NUCB2: variants seen among roughly 807,000 people sequenced by gnomAD.
NUCB2 encodes nucleobindin-2.
In NUCB2, 48 loss-of-function variants were observed where a neutral mutation model predicts 57.9. The ratio of observed to expected loss-of-function variants is 0.83; its 90% CI spans 0.66 to 1.05. The LOEUF (loss-of-function observed/expected upper bound fraction) is 1.05, where lower values mean the gene tolerates loss of function less well. Among genes scored for constraint, NUCB2 ranks in the 50% least tolerant of loss-of-function variants. The pLI, the probability that NUCB2 is intolerant of heterozygous loss-of-function variation, is 0.00. For missense variants in NUCB2, 442 were observed against 476.2 expected, an observed-to-expected ratio of 0.93 and a Z score of 0.67; for synonymous variants, 139 against 152.1, an observed-to-expected ratio of 0.91 and a Z score of 0.64.
rs769444555 is a variant in NUCB2 at position 17,317,685 on chromosome 11, A to T, written c.1002+2210A>T. ...CTCAGTGTATCCTATTAGAAGGCAC[A>T]TGTTGACGATCCCCATAACTGGTAA... On this transcript the variant is annotated intron_variant, in intron 11 of 13. Coordinates refer to ENST00000529010, the MANE Select transcript of NUCB2 (RefSeq NM_005013.4). The T allele has an allele frequency of 5.4e-5, 12 of 221,384 alleles. 1 individual carries two copies. The highest frequency in any genetic ancestry group is 2.0e-5 in the Non-Finnish European group (2 of 101,694). The allele number at this position is 221,384 out of a possible 1,614,324, so 13.7% of individuals were successfully genotyped here. A position where few individuals can be genotyped will look rare whatever the true frequency, so the allele number is the denominator to read the frequency against.
At chr11:17,340,223 G>C (rs1952140428) in intron 2 of NUCB2, among the ~76,000 whole-genome samples, 1 of 152,028 alleles carries the variant, frequency 6.6e-6, no homozygotes, top group Non-Finnish European at 1.5e-5. Context: ...AAATTTGTTT[G>C]AGTTCATTGT....
At chr11:17,336,710 C>T (rs1336502662), downstream of NUCB2, among the ~76,000 whole-genome samples, 9 of 134,620 alleles carry the variant, frequency 6.7e-5, no homozygotes, top group South Asian at 2.4e-4. Context: ...GCCGAGATCG[C>T]GCCACTGCAC....
chr11:17,285,576 C>CA (rs1319420352), intron 2 of NUCB2, among the ~76,000 whole-genome samples: 7,366 of 109,750 alleles, frequency 0.067, 318 homozygotes, highest in Middle Eastern at 0.16. Flanking sequence ...GACACTGTCT[C>CA]AAAAAAAAAA....
chr11:17,296,258 AT>A (rs1945801065), intron 4 of NUCB2, 47 bp downstream of exon 4: 7 of 1,230,102 alleles, frequency 5.7e-6, no homozygotes, highest in Admixed American at 2.3e-5. Context: ...TTAATTTAAA[AT>A]TTTTTTAGAG....
chr11:17,307,597 C>T (rs1483544703), intron 5 of NUCB2, among the ~76,000 whole-genome samples: 7 of 152,076 alleles, frequency 4.6e-5, no homozygotes, highest in Non-Finnish European at 7.4e-5. Flanking sequence ...TGTATTAGTA[C>T]ATAGAGACCA....
chr11:17,279,614 G>A (rs1263960830), intron 1 of NUCB2, among the ~76,000 whole-genome samples: 2 of 152,056 alleles, frequency 1.3e-5, no homozygotes, highest in African/African-American at 4.8e-5. Flanking sequence ...AAAATATCTT[G>A]TTTTACCTCA....
At chr11:17,310,038 G>A (rs528908035) in intron 6 of NUCB2, among the ~76,000 whole-genome samples, 6 of 152,274 alleles carry the variant, frequency 3.9e-5, no homozygotes, top group African/African-American at 1.2e-4. Flanking sequence ...TATGGCATAT[G>A]TACCATATTC....
chr11:17,282,484 C>G (rs896828740), intron 1 of NUCB2, among the ~76,000 whole-genome samples: 1 of 152,012 alleles, frequency 6.6e-6, no homozygotes, highest in Admixed American at 6.6e-5. Flanking sequence ...TGATCTTGAA[C>G]TCCTGACCTC....
At chr11:17,312,230 G>A (rs914994289) in intron 10 of NUCB2, 110 bp downstream of exon 10, 39 of 636,470 alleles carry the variant, frequency 6.1e-5, no homozygotes, top group South Asian at 1.9e-4. Context: ...TGGAGTTTGC[G>A]TTTTTGTTTT....
intron 2 of NUCB2, among the ~76,000 whole-genome samples, chr11:17,285,101 G>A (rs980963232): frequency 6.6e-6 from 1 of 152,170 alleles, no homozygotes; most frequent in East Asian, 1.9e-4. Context: ...AGGAAGAGGG[G>A]CAAAAGAAGA....
At chr11:17,324,065 C>A (rs1314506069) in intron 11 of NUCB2, among the ~76,000 whole-genome samples, 1 of 152,056 alleles carries the variant, frequency 6.6e-6, no homozygotes, top group African/African-American at 2.4e-5. Flanking sequence ...TTTATTTCTG[C>A]TCTGATCTTT....
intron 4 of NUCB2, among the ~76,000 whole-genome samples, chr11:17,301,058 C>T (rs1240874062): frequency 1.8e-4 from 27 of 148,678 alleles, no homozygotes; most frequent in African/African-American, 5.5e-4. Flanking sequence ...CTGCAACCTC[C>T]GCCTCCTGGG....
intron 2 of NUCB2, among the ~76,000 whole-genome samples, chr11:17,285,843 A>C (rs771549288): frequency 2.5e-4 from 37 of 150,738 alleles, no homozygotes; most frequent in Non-Finnish European, 4.1e-4. Flanking sequence ...CACCCTGGTT[A>C]TCTATGGTAA....
At chr11:17,334,885 C>CAAA (rs375093514), downstream of NUCB2, among the ~76,000 whole-genome samples, 7 of 121,892 alleles carry the variant, frequency 5.7e-5, no homozygotes, top group South Asian at 7.8e-4. Context: ...GGCTCTATCT[C>CAAA]AAAAAAAAAA....
At chr11:17,314,256 C>T (rs1948925167) in intron 10 of NUCB2, among the ~76,000 whole-genome samples, 1 of 152,158 alleles carries the variant, frequency 6.6e-6, no homozygotes, top group African/African-American at 2.4e-5. Flanking sequence ...TCCTAACTGG[C>T]ATCTCTGCTT....
At position 17,315,440 on chromosome 11, in the gene NUCB2, GA is replaced by G. The variant is rs776760418; in HGVS notation, c.975del (p.Glu326AsnfsTer11). ...VTLEEFLKAT[E>X]KKEFLEPDSW... ...TCTGGAGGAGTTTTTGAAAGCCACA[GA>G]AAAAAAAGAATTCTTGGAGCCAGAT... On this transcript the variant is annotated frameshift_variant, in exon 11 of 14. Transcript: ENST00000529010. LOFTEE classifies it high-confidence loss of function. The G allele has an allele frequency of 6.2e-6, 10 of 1,609,698 alleles. No individual in the cohort carries two copies. The highest frequency in any genetic ancestry group is 2.2e-5 in the East Asian group (1 of 44,694).
intron 4 of NUCB2, among the ~76,000 whole-genome samples, chr11:17,297,135 T>C (rs1365527876): frequency 6.6e-6 from 1 of 151,730 alleles, no homozygotes; most frequent in Non-Finnish European, 1.5e-5. Flanking sequence ...ACTCAGTGAG[T>C]AAAAAAAAAT....
chr11:17,313,159 T>C lies in NUCB2; in HGVS notation c.912+1039T>C, dbSNP rs187024746. 3.9e-5 allele frequency among the ~76,000 whole-genome samples: 6 copies of C among 152,164 alleles called. No individual in the cohort carries two copies. In the East Asian group the frequency reaches 1.2e-3, roughly 29 times the overall value. ...TCCAGATTATTATACTAGATGCCTT[T>C]AGTATGAATAAAATAATTTGTAACT... is the stretch of plus-strand genomic sequence containing the variant. On this transcript the variant is annotated intron_variant, in intron 10 of 13. Coordinates refer to ENST00000529010, the MANE Select transcript of NUCB2 (RefSeq NM_005013.4).
chr11:17,325,839 G>A (rs1950593979), intron 11 of NUCB2, among the ~76,000 whole-genome samples: 1 of 151,728 alleles, frequency 6.6e-6, no homozygotes. Context: ...TCAATTGTAT[G>A]TTTTTAGATT....
Sources: gnomAD v4.1 joint callset for allele counts (sites outside exome capture counted in the v4.1 genomes callset) on GRCh38, gnomAD v4.1.1 for gene constraint, MANE v1.5 for transcripts, NCBI Gene and HGNC (gene_info 2026-07-23, HGNC 2026-07-21) for gene names.